LRRC58: variants seen among roughly 807,000 people sequenced by gnomAD.
The protein encoded by LRRC58 is leucine-rich repeat-containing protein 58.
Under a neutral mutation model 30.6 loss-of-function variants are expected in LRRC58, and 18 were observed. That is an observed-to-expected ratio of 0.59 (90% CI 0.41 to 0.87). LRRC58 has a LOEUF of 0.87. Ranked by LOEUF, LRRC58 falls within the 40% of genes least tolerant of loss-of-function variation. The probability of loss-of-function intolerance (pLI) is 0.00; values close to 1 mark genes in which losing one functional copy is unlikely to be tolerated. For synonymous variants in LRRC58, 221 were observed against 206.0 expected (o/e 1.07, Z -0.62); for missense variants, 420 against 468.4 (o/e 0.90, Z 0.95).
At chr3:120,334,766 G>A in intron 3 of LRRC58, 96 bp downstream of exon 3, 5 of 1,119,866 alleles carry the variant, frequency 4.5e-6, no homozygotes, top group South Asian at 1.8e-5. Context: ...AAAAATAAAG[G>A]GAACAGAAAC....
At position 120,328,132 on chromosome 3, in the gene LRRC58, T is replaced by A. The variant is rs1201662882; in HGVS notation, c.*3068A>T. 2.0e-5 allele frequency: 3 copies of A among 152,204 alleles called. No individual in the cohort carries two copies. The highest frequency in any genetic ancestry group is 4.4e-5 in the Non-Finnish European group (3 of 68,042). The allele number at this position is 152,204 out of a possible 1,614,324, so 9.4% of individuals were successfully genotyped here. ...CTTCAGCACACATTTAGAAGTAAAATATAACCAGTCGCCTTTGGATTTACC... is the reference window on the plus strand; with the variant it reads ...CTTCAGCACACATTTAGAAGTAAAAAATAACCAGTCGCCTTTGGATTTACC... On this transcript the variant is annotated 3_prime_UTR_variant, in exon 4 of 4. Transcript: ENST00000295628.
At chr3:120,341,368 A>G (rs532618907) in intron 1 of LRRC58, among the ~76,000 whole-genome samples, 3 of 152,228 alleles carry the variant, frequency 2.0e-5, no homozygotes, top group Non-Finnish European at 4.4e-5. Flanking sequence ...TCCTTTTTAC[A>G]AAGGATTTGA....
Position 120,331,133 on chromosome 3 carries a change from G to T in LRRC58, c.*67C>A. ...AGATAAGATTTCTAGTGAACTTCAA[G>T]CTCTATTTTCTTGTCTAACCATTTT... On this transcript the variant is annotated 3_prime_UTR_variant, in exon 4 of 4. Coordinates refer to ENST00000295628, the MANE Select transcript of LRRC58 (RefSeq NM_001099678.2). 2.3e-6 allele frequency: 3 copies of T among 1,310,262 alleles called. No homozygotes were observed. Among genetic ancestry groups the T allele is most frequent in the Non-Finnish European group, 2.2e-6 (2 of 908,894 alleles). 81.2% of individuals were successfully genotyped at this position (1,310,262 alleles called of 1,614,324 possible).
rs935136485 is a variant in LRRC58, at chr3:120,329,174, A to G, written c.*2026T>C. On this transcript the variant is annotated 3_prime_UTR_variant, in exon 4 of 4. Coordinates refer to ENST00000295628, the MANE Select transcript of LRRC58 (RefSeq NM_001099678.2). ...ATTTAGGCCAGAAAAAATTGGTCCT[A>G]TCAATTTGAGTATTTTACTATGAAT... 4 of 152,174 alleles carry G rather than the reference A, an allele frequency of 2.6e-5. No homozygotes were observed. Among genetic ancestry groups the G allele is most frequent in the African/African-American group, 9.6e-5 (4 of 41,464 alleles). The allele number at this position is 152,174 out of a possible 1,614,324, so 9.4% of individuals were successfully genotyped here. A position where few individuals can be genotyped will look rare whatever the true frequency, so the allele number is the denominator to read the frequency against.
rs1936014992 is a variant in LRRC58 at position 120,348,949 on chromosome 3, T to C, written c.295A>G (p.Lys99Glu). 6.4e-7 allele frequency: 1 copy of C among 1,553,716 alleles called. No individual in the cohort carries two copies. The highest frequency in any genetic ancestry group is 1.2e-5 in the South Asian group (1 of 84,226). The change falls in exon 1 of 4, where the codon AAG becomes GAG. Residue 99 changes from lysine to glutamate, a missense_variant. Lys to Glu is a moderately conservative substitution (Grantham distance 56). This residue lies in a region of LRRC58 where 266 missense variants were observed against 251.7 expected (regional missense o/e 1.06). Transcript: ENST00000295628. ...ALRGLRTLLA[K>E]NNRLGGPSAL... ...CTGGGCCCGCCGAGCCGGTTGTTCT[T>C]GGCCAGCAGCGTGCGCAGGCCGCGC... is the stretch of plus-strand genomic sequence containing the variant.
chr3:120,338,150 T>G (rs1325049118), intron 1 of LRRC58, among the ~76,000 whole-genome samples: 1 of 152,188 alleles, frequency 6.6e-6, no homozygotes, highest in Admixed American at 6.5e-5. Flanking sequence ...GCCTCTATTT[T>G]TTATTTTAAA....
intron 1 of LRRC58, among the ~76,000 whole-genome samples, chr3:120,340,012 C>A (rs1392718122): frequency 4.6e-5 from 7 of 151,532 alleles, no homozygotes; most frequent in African/African-American, 1.7e-4. Context: ...AGGCGCCCGC[C>A]ACCACGCCTG....
rs1935656173 is a variant in LRRC58, at chr3:120,325,190, T to C, written c.*6010A>G. On this transcript the variant is annotated 3_prime_UTR_variant, in exon 4 of 4. Coordinates refer to ENST00000295628, the MANE Select transcript of LRRC58 (RefSeq NM_001099678.2). ...ATTCTTTCTCAATATCACAACAATG[T>C]TAACAATTTAAGTTAGTGAAAGGAT... 2 of 152,238 alleles carry C rather than the reference T, an allele frequency of 1.3e-5. No homozygotes were observed. 9.4% of individuals were successfully genotyped at this position (152,238 alleles called of 1,614,324 possible).
In LRRC58 at chr3:120,348,980, G is replaced by T; in HGVS notation, c.264C>A (p.Leu88=). ...NALTALGPEL[L]ALRGLRTLLA... ...GCAGCGTGCGCAGGCCGCGCAGAGC[G>T]AGCAGCTCCGGCCCGAGCGCGGTCA... Residue 88 remains leucine (L), a synonymous_variant, in exon 1 of 4, where the codon CTC becomes CTA. Transcript: ENST00000295628. The T allele has an allele frequency of 6.5e-7, 1 of 1,534,512 alleles. No individual in the cohort carries two copies.
chr3:120,348,414 C>G (rs1257557797), intron 1 of LRRC58, among the ~76,000 whole-genome samples: 1 of 152,188 alleles, frequency 6.6e-6, no homozygotes, highest in African/African-American at 2.4e-5. Context: ...CCACGGAAGA[C>G]TTTTGAGCAA....
chr3:120,327,867 T>C lies in LRRC58; in HGVS notation c.*3333A>G. ...TTCAAGTGATTCTCTTGTCTTAGCC[T>C]CCGGAGTTAGCTGGGACTATGGGTG... On this transcript the variant is annotated 3_prime_UTR_variant, in exon 4 of 4. Transcript: ENST00000295628. 1 of 152,208 alleles carries C rather than the reference T, an allele frequency of 6.6e-6. No individual in the cohort carries two copies. The highest frequency in any genetic ancestry group is 1.5e-5 in the Non-Finnish European group (1 of 68,040). 9.4% of individuals were successfully genotyped at this position (152,208 alleles called of 1,614,324 possible). A position where few individuals can be genotyped will look rare whatever the true frequency, so the allele number is the denominator to read the frequency against.
Position 120,349,095 on chromosome 3 carries a change from A to G in LRRC58, c.149T>C (p.Leu50Pro), listed in dbSNP as rs1479435112. The change falls in exon 1 of 4, where the codon CTG becomes CCG. Residue 50 changes from leucine to proline, a missense_variant. Physicochemically the swap from Leu to Pro is moderately conservative, Grantham distance 98. Coordinates refer to ENST00000295628, the MANE Select transcript of LRRC58 (RefSeq NM_001099678.2). ...CGACACCAGACGGTTGTGAGGCAGC[A>G]GCAGCCGCAGCAGCGCCTCCCGCGC... ...RGAREALLRLLLPHNRLVSLP... is the reference protein window; with the variant it reads ...RGAREALLRLPLPHNRLVSLP... 3.3e-6 allele frequency: 5 copies of G among 1,511,994 alleles called. No individual in the cohort carries two copies. Among genetic ancestry groups the G allele is most frequent in the Non-Finnish European group, 4.4e-6 (5 of 1,138,696 alleles). 93.7% of individuals were successfully genotyped at this position (1,511,994 alleles called of 1,614,324 possible). A position where few individuals can be genotyped will look rare whatever the true frequency, so the allele number is the denominator to read the frequency against.
chr3:120,339,016 T>C (rs1291521895), intron 1 of LRRC58, among the ~76,000 whole-genome samples: 1 of 152,144 alleles, frequency 6.6e-6, no homozygotes, highest in African/African-American at 2.4e-5. Flanking sequence ...TTATAACTTA[T>C]TGGTGTATTT....
At chr3:120,338,558 A>G (rs901181695) in intron 1 of LRRC58, among the ~76,000 whole-genome samples, 1 of 152,236 alleles carries the variant, frequency 6.6e-6, no homozygotes, top group African/African-American at 2.4e-5. Flanking sequence ...TACACTCTAG[A>G]GAGGGTGGAC....
chr3:120,327,818 T>TTG lies in LRRC58; in HGVS notation c.*3381_*3382insCA, dbSNP rs1313822205. 6.6e-6 allele frequency: 1 copy of TTG among 152,192 alleles called. No individual in the cohort carries two copies. The highest frequency in any genetic ancestry group is 2.4e-5 in the African/African-American group (1 of 41,452). The allele number at this position is 152,192 out of a possible 1,614,324, so 9.4% of individuals were successfully genotyped here. A position where few individuals can be genotyped will look rare whatever the true frequency, so the allele number is the denominator to read the frequency against. On this transcript the variant is annotated 3_prime_UTR_variant, in exon 4 of 4. Coordinates refer to ENST00000295628, the MANE Select transcript of LRRC58 (RefSeq NM_001099678.2). ...TGGAGTGCAGCGGAGTGATCTCAGA[T>TTG]TACTGCAACCTCTGTCTCCCAAGTT...
rs372148684 is a variant in LRRC58, at chr3:120,334,939, T to C, written c.830A>G (p.Tyr277Cys). 1.2e-5 allele frequency: 19 copies of C among 1,613,690 alleles called. No homozygotes were observed. The highest frequency in any genetic ancestry group is 3.4e-6 in the Non-Finnish European group (4 of 1,179,796). Residue 277 changes from tyrosine to cysteine, a missense_variant, in exon 3 of 4, where the codon TAC (tyrosine) becomes TGC (cysteine). Tyr to Cys is a radical substitution (Grantham distance 194). Around this residue, in one of 2 missense-constraint regions of LRRC58, gnomAD observed 154 missense variants for 216.8 expected, o/e 0.71. Transcript: ENST00000295628. ...ATTTCCAGGAAGATCATAGGGAGTG[T>C]AGGAAATATTTCGAATCTTAATGGT... The part of the protein sequence containing the change: ...ARTIKIRNIS[Y>C]TPYDLPGNLL...
chr3:120,330,046 T>C lies in LRRC58; in HGVS notation c.*1154A>G, dbSNP rs1156601337. The C allele has an allele frequency of 6.6e-6, 1 of 152,082 alleles. No homozygotes were observed. Among genetic ancestry groups the C allele is most frequent in the Non-Finnish European group, 1.5e-5 (1 of 67,930 alleles). The allele number at this position is 152,082 out of a possible 1,614,324, so 9.4% of individuals were successfully genotyped here. A position where few individuals can be genotyped will look rare whatever the true frequency, so the allele number is the denominator to read the frequency against. ...TAAAGTAGTTCTGGAAACTGTTCCA[T>C]TAGGTATAAGGACAATGACTCCTTT... is the stretch of plus-strand genomic sequence containing the variant. On this transcript the variant is annotated 3_prime_UTR_variant, in exon 4 of 4. Coordinates refer to ENST00000295628, the MANE Select transcript of LRRC58 (RefSeq NM_001099678.2).
chr3:120,348,378 G>A (rs1336981140), intron 1 of LRRC58, among the ~76,000 whole-genome samples: 1 of 152,182 alleles, frequency 6.6e-6, no homozygotes, highest in Non-Finnish European at 1.5e-5. Flanking sequence ...TCAAAGGCAC[G>A]TACTTTGATC....
intron 1 of LRRC58, among the ~76,000 whole-genome samples, chr3:120,341,976 G>C (rs1935909707): frequency 6.6e-6 from 1 of 152,170 alleles, no homozygotes. Context: ...GTCCTCCCAG[G>C]TGCAGGAGCT....
Sources: allele counts gnomAD v4.1 joint callset (sites outside exome capture counted in the v4.1 genomes callset), GRCh38; gene constraint gnomAD v4.1.1; regional missense constraint gnomAD v4.1.1; transcripts MANE v1.5; gene names NCBI Gene and HGNC (gene_info 2026-07-23, HGNC 2026-07-21).